Variants in PIAS1 observed in about 807,000 individuals in gnomAD.
The protein encoded by PIAS1 is E3 SUMO-protein ligase PIAS1.
In PIAS1, 6 loss-of-function variants were observed where a neutral mutation model predicts 71.3. That is an observed-to-expected ratio of 0.08 (90% CI 0.05 to 0.17). The LOEUF (loss-of-function observed/expected upper bound fraction) is 0.17, where lower values mean the gene tolerates loss of function less well. Among genes scored for constraint, PIAS1 ranks in the 10% least tolerant of loss-of-function variants. The pLI is 1.00. For synonymous variants in PIAS1, 303 were observed against 292.9 expected, an observed-to-expected ratio of 1.03 and a Z score of -0.35; for missense variants, 555 against 793.6, an observed-to-expected ratio of 0.70 and a Z score of 3.61.
At chr15:68,142,450 G>T (rs1042298292) in intron 4 of PIAS1, 113 bp downstream of exon 4, 3 of 804,798 alleles carry the variant, frequency 3.7e-6, no homozygotes, top group Admixed American at 2.5e-5. Context: ...AAGTTTAAAA[G>T]ATAATATTCC....
intron 1 of PIAS1, among the ~76,000 whole-genome samples, chr15:68,081,540 C>T (rs897792237): frequency 2.6e-5 from 4 of 151,910 alleles, no homozygotes; most frequent in African/African-American, 9.7e-5. Flanking sequence ...ACAACATCAA[C>T]ACCCAATTTA....
rs1312214006 is a variant in PIAS1, at chr15:68,193,453, C to G, written c.*5618C>G. 6.5e-6 allele frequency: 1 copy of G among 152,696 alleles called. No individual in the cohort carries two copies. Among genetic ancestry groups the G allele is most frequent in the Non-Finnish European group, 1.5e-5 (1 of 68,388 alleles). The allele number at this position is 152,696 out of a possible 1,614,324, so 9.5% of individuals were successfully genotyped here. ...TGGAAATGAGAATTTGTAAATGGGCCTCTGGCACTGCAAGAATTGTTGTCA... is the reference window on the plus strand; with the variant it reads ...TGGAAATGAGAATTTGTAAATGGGCGTCTGGCACTGCAAGAATTGTTGTCA... On this transcript the variant is annotated 3_prime_UTR_variant, in exon 14 of 14. Coordinates refer to ENST00000249636, the MANE Select transcript of PIAS1 (RefSeq NM_016166.3).
At chr15:68,097,381 C>A (rs905185737) in intron 2 of PIAS1, among the ~76,000 whole-genome samples, 7 of 151,648 alleles carry the variant, frequency 4.6e-5, no homozygotes, top group Non-Finnish European at 2.9e-5. Flanking sequence ...TCATAGATGC[C>A]CTTCCTGTTG....
chr15:68,149,200 A>G (rs2092829057), intron 6 of PIAS1, among the ~76,000 whole-genome samples: 1 of 152,104 alleles, frequency 6.6e-6, no homozygotes, highest in African/African-American at 2.4e-5. Flanking sequence ...GACATCCTGA[A>G]TAGGCAGTGG....
chr15:68,091,156 T>G (rs1283310409), intron 2 of PIAS1, among the ~76,000 whole-genome samples: 1 of 152,084 alleles, frequency 6.6e-6, no homozygotes, highest in Non-Finnish European at 1.5e-5. Flanking sequence ...TGATGAGGTG[T>G]GAAATTTACA....
intron 7 of PIAS1, among the ~76,000 whole-genome samples, chr15:68,155,462 A>C (rs1016453448): frequency 1.3e-5 from 2 of 151,254 alleles, no homozygotes; most frequent in Admixed American, 6.6e-5. Context: ...AAAAAAAAAA[A>C]AAAAAAAAAA....
At position 68,170,939 on chromosome 15, in the gene PIAS1, C is replaced by A. The variant is rs117542212; in HGVS notation, c.1009-2793C>A. Among the ~76,000 whole-genome samples, 931 of 152,208 alleles carry A rather than the reference C, an allele frequency of 6.1e-3. 3 individuals are homozygous for A. Among genetic ancestry groups the A allele is most frequent in the East Asian group, 0.032 (168 of 5,180 alleles). ...TACTGGTGTGAGCCACCACACCTGGCCACTGTAACTTTTTTATTTTATAAG... is the reference window on the plus strand; with the variant it reads ...TACTGGTGTGAGCCACCACACCTGGACACTGTAACTTTTTTATTTTATAAG... On this transcript the variant is annotated intron_variant, in intron 8 of 13. Transcript: ENST00000249636.
At chr15:68,161,928 CA>C (rs924845295) in intron 7 of PIAS1, among the ~76,000 whole-genome samples, 5 of 150,148 alleles carry the variant, frequency 3.3e-5, no homozygotes, top group African/African-American at 9.8e-5. Flanking sequence ...GACTCTGTCT[CA>C]AAAAAAATTT....
Position 68,065,736 on chromosome 15 carries a change from C to CTTTT in PIAS1, c.24+11404_24+11407dup, listed in dbSNP as rs35947814. On this transcript the variant is annotated intron_variant, in intron 1 of 13. Transcript: ENST00000249636. ...GCACTGAACGAATGTGCTTGAAGTA[C>CTTTT]TTTTTTTTTTTTTTTTTTTTTGGAG... is the stretch of plus-strand genomic sequence containing the variant. Among the ~76,000 whole-genome samples the CTTTT allele has an allele frequency of 7.6e-4, 76 of 99,548 alleles. 4 individuals carry two copies. Among genetic ancestry groups the CTTTT allele is most frequent in the African/African-American group, 9.9e-4 (24 of 24,178 alleles). The allele number at this position is 99,548 out of a possible 152,430, so 65.3% of individuals were successfully genotyped here.
At chr15:68,087,862 G>A (rs2092296998) in intron 2 of PIAS1, 2 of 347,966 alleles carry the variant, frequency 5.7e-6, no homozygotes, top group South Asian at 4.3e-5. Context: ...CTGAATACAC[G>A]AAGATTATAG....
intron 2 of PIAS1, among the ~76,000 whole-genome samples, chr15:68,127,314 C>T (rs2092657916): frequency 6.6e-6 from 1 of 151,982 alleles, no homozygotes; most frequent in African/African-American, 2.4e-5. Flanking sequence ...CTGACTTTTG[C>T]AGGATGAAGG....
At chr15:68,134,838 G>C (rs1240112280) in intron 2 of PIAS1, among the ~76,000 whole-genome samples, 40 of 44,652 alleles carry the variant, frequency 9.0e-4, no homozygotes, top group African/African-American at 1.9e-3. Flanking sequence ...CTGGCCGGGC[G>C]GGGGGCTGAC....
chr15:68,096,485 A>T (rs1429885626), intron 2 of PIAS1, among the ~76,000 whole-genome samples: 1 of 151,328 alleles, frequency 6.6e-6, no homozygotes, highest in Admixed American at 6.6e-5. Context: ...TGAGATTTTG[A>T]TAAAGATTAC....
chr15:68,089,060 A>G (rs1555424938), intron 2 of PIAS1, among the ~76,000 whole-genome samples: 1 of 152,142 alleles, frequency 6.6e-6, no homozygotes, highest in Non-Finnish European at 1.5e-5. Flanking sequence ...TTACTTTTTC[A>G]TTTTTTCCCT....
intron 2 of PIAS1, among the ~76,000 whole-genome samples, chr15:68,123,212 C>T (rs1018370475): frequency 1.3e-5 from 2 of 151,956 alleles, no homozygotes; most frequent in African/African-American, 2.4e-5. Flanking sequence ...GCCACCATGC[C>T]TGGCACATTT....
intron 1 of PIAS1, among the ~76,000 whole-genome samples, chr15:68,061,238 A>T (rs12905500): frequency 3.3e-5 from 5 of 152,050 alleles, no homozygotes; most frequent in South Asian, 2.1e-4. Context: ...TAGGCAGTAG[A>T]GACAATTTTA....
Position 68,054,934 on chromosome 15 carries a change from G to C in PIAS1, c.24+584G>C, listed in dbSNP as rs906567225. 3 of 152,306 alleles carry C rather than the reference G, an allele frequency of 2.0e-5. No homozygotes were observed. The highest frequency in any genetic ancestry group is 4.4e-5 in the Non-Finnish European group (3 of 68,092). The allele number at this position is 152,306 out of a possible 1,614,324, so 9.4% of individuals were successfully genotyped here. ...GCCTGGGGTGCCCCGCTTGTGGGAA[G>C]CGCGATCCCGGGGCGATAGGGTGGG... On this transcript the variant is annotated intron_variant, in intron 1 of 13. Coordinates refer to ENST00000249636, the MANE Select transcript of PIAS1 (RefSeq NM_016166.3). This position sits in a 1 kb window ranked among gnomAD's most constrained non-coding sequence, Gnocchi z 4.6.
chr15:68,175,038 AAAAAGCT>A (rs1179843572), intron 9 of PIAS1, among the ~76,000 whole-genome samples: 1 of 152,198 alleles, frequency 6.6e-6, no homozygotes, highest in Non-Finnish European at 1.5e-5. Context: ...ACAGGAAAAT[AAAAAGCT>A]TTTTTCGGTA....
chr15:68,115,031 G>A (rs1036630717), intron 2 of PIAS1, among the ~76,000 whole-genome samples: 1 of 151,966 alleles, frequency 6.6e-6, no homozygotes, highest in Non-Finnish European at 1.5e-5. Flanking sequence ...CATGACCATT[G>A]TAAGTACCCT....
Sources: gnomAD v4.1 joint callset for allele counts (sites outside exome capture counted in the v4.1 genomes callset) on GRCh38, gnomAD v4.1.1 for gene constraint, Gnocchi (gnomAD v3.1) non-coding constraint, MANE v1.5 for transcripts, NCBI Gene and HGNC (gene_info 2026-07-23, HGNC 2026-07-21) for gene names.